NUSAP1: variants seen among roughly 807,000 people sequenced by gnomAD.
NUSAP1 encodes nucleolar and spindle associated protein 1, also known as nucleolar and spindle-associated protein 1.
NUSAP1 carries 32 observed loss-of-function variants against 52.8 expected under a neutral mutation model. That is an observed-to-expected ratio of 0.61 (90% CI 0.46 to 0.81). NUSAP1 has a LOEUF of 0.81. NUSAP1 is among the 40% of genes least tolerant of loss of function. The pLI is 0.00. For synonymous variants in NUSAP1, 195 were observed against 183.1 expected, an observed-to-expected ratio of 1.06 and a Z score of -0.52; for missense variants, 499 against 522.3, an observed-to-expected ratio of 0.96 and a Z score of 0.43.
At position 41,333,018 on chromosome 15, in the gene NUSAP1, G is replaced by C. The variant is rs1441877247; in HGVS notation, c.61G>C (p.Ala21Pro). Reference sequence around the variant, plus strand: ...CAAGTACAGTGACCTGCAGAACTTAGCCAAGAGTCTGGGTCTCCGGGCCAA... The same window carrying C: ...CAAGTACAGTGACCTGCAGAACTTACCCAAGAGTCTGGGTCTCCGGGCCAA... ...SLKYSDLQNL[A>P]KSLGLRANLR... is the part of the protein sequence containing the mutation. Residue 21 changes from alanine to proline, a missense_variant, in exon 1 of 11, where the codon GCC becomes CCC. Coordinates refer to ENST00000559596, the MANE Select transcript of NUSAP1 (RefSeq NM_016359.5). 8.1e-6 allele frequency: 13 copies of C among 1,611,732 alleles called. No individual in the cohort carries two copies. Among genetic ancestry groups the C allele is most frequent in the Non-Finnish European group, 1.0e-5 (12 of 1,179,020 alleles).
chr15:41,374,424 C>T (rs2049834399), intron 8 of NUSAP1, among the ~76,000 whole-genome samples: 1 of 152,212 alleles, frequency 6.6e-6, no homozygotes, highest in Non-Finnish European at 1.5e-5. Flanking sequence ...GAATCCCATT[C>T]ATGACCTATT....
chr15:41,342,395 T>C lies in NUSAP1; in HGVS notation c.103T>C (p.Leu35=), dbSNP rs753118869. 8.8e-6 allele frequency: 14 copies of C among 1,591,174 alleles called. No individual in the cohort carries two copies. Among genetic ancestry groups the C allele is most frequent in the Admixed American group, 5.3e-5 (3 of 56,558 alleles). The change falls in exon 2 of 11, where the codon TTG becomes CTG. Residue 35 remains leucine (L), a synonymous_variant. Coordinates refer to ENST00000559596, the MANE Select transcript of NUSAP1 (RefSeq NM_016359.5). ...AAGGTCTCTCTTGCAGGCAACCAAG[T>C]TGTTAAAAGCCTTGAAAGGCTACAT... ...GLRANLRATK[L]LKALKGYIKH...
chr15:41,343,370 T>C (rs2140552357), intron 2 of NUSAP1: 1 of 152,378 alleles, frequency 6.6e-6, no homozygotes, highest in Non-Finnish European at 1.5e-5. Flanking sequence ...GTTGTTGTAG[T>C]TGTTGAGACA....
At chr15:41,365,718 C>CT in intron 7 of NUSAP1, 129 bp downstream of exon 7, 1 of 584,600 alleles carries the variant, frequency 1.7e-6, no homozygotes. Flanking sequence ...CTTTTCTTTT[C>CT]TTTTTCTTTT....
intron 8 of NUSAP1, among the ~76,000 whole-genome samples, chr15:41,373,336 T>C (rs1287841258): frequency 6.6e-6 from 1 of 150,416 alleles, no homozygotes; most frequent in Non-Finnish European, 1.5e-5. Flanking sequence ...TGAGCTGAGA[T>C]CACATCACTG....
At chr15:41,374,826 CT>C (rs1377498799) in intron 8 of NUSAP1, among the ~76,000 whole-genome samples, 6 of 151,176 alleles carry the variant, frequency 4.0e-5, no homozygotes, top group African/African-American at 1.5e-4. Flanking sequence ...CACCCAGCTT[CT>C]TTTTTTTCTT....
intron 2 of NUSAP1, chr15:41,344,168 C>T (rs890587521): frequency 1.6e-5 from 2 of 128,930 alleles, no homozygotes; most frequent in Admixed American, 8.9e-5. Context: ...GAGCAGAGAT[C>T]AAACCATTGC....
intron 6 of NUSAP1, among the ~76,000 whole-genome samples, chr15:41,364,177 G>A (rs1352614484): frequency 1.3e-5 from 2 of 152,020 alleles, no homozygotes; most frequent in Non-Finnish European, 2.9e-5. Context: ...CAAAGCTTCC[G>A]TATTTCCAAA....
chr15:41,365,238 C>G (rs892916463), intron 6 of NUSAP1, among the ~76,000 whole-genome samples, 164 bp from the exon 7 acceptor site: 1 of 151,402 alleles, frequency 6.6e-6, no homozygotes, highest in Non-Finnish European at 1.5e-5. Flanking sequence ...CTCACTGCAA[C>G]CTCCGCCTCC....
At chr15:41,362,532 C>T (rs1217405856) in intron 6 of NUSAP1, among the ~76,000 whole-genome samples, 1 of 151,126 alleles carries the variant, frequency 6.6e-6, no homozygotes. Flanking sequence ...TCATGCCACT[C>T]TCCTGTCTCA....
At chr15:41,362,227 T>G (rs2049203199) in intron 6 of NUSAP1, among the ~76,000 whole-genome samples, 1 of 151,758 alleles carries the variant, frequency 6.6e-6, no homozygotes, top group African/African-American at 2.4e-5. Flanking sequence ...TAATTTATTT[T>G]AATTAATTTA....
intron 8 of NUSAP1, among the ~76,000 whole-genome samples, chr15:41,374,975 G>A (rs1463865796): frequency 4.6e-5 from 7 of 151,056 alleles, no homozygotes; most frequent in Non-Finnish European, 1.0e-4. Flanking sequence ...CCGAGTAGCT[G>A]GGATTACAGG....
intron 2 of NUSAP1, chr15:41,344,237 CA>C (rs1432760396): frequency 1.4e-5 from 2 of 142,852 alleles, no homozygotes; most frequent in Admixed American, 7.0e-5. Flanking sequence ...AAAAAAGAAA[CA>C]ACAACTAAAA....
At chr15:41,343,702 G>A (rs866937380) in intron 2 of NUSAP1, among the ~76,000 whole-genome samples, 7 of 151,354 alleles carry the variant, frequency 4.6e-5, no homozygotes, top group Admixed American at 6.6e-5. Context: ...TGTTGGCCAG[G>A]CTGGTCTCAA....
chr15:41,366,049 T>C (rs1207610822), intron 7 of NUSAP1, among the ~76,000 whole-genome samples: 4 of 152,000 alleles, frequency 2.6e-5, no homozygotes, highest in Non-Finnish European at 5.9e-5. Context: ...ATATATTGTA[T>C]TGTAGTCAGA....
intron 3 of NUSAP1, 141 bp from the exon 4 acceptor site, chr15:41,350,847 G>T (rs2048750836): frequency 8.8e-6 from 6 of 680,750 alleles, no homozygotes. Context: ...ATAAGGCAGA[G>T]AACCAAATCT....
At chr15:41,336,655 T>TGTTTTTTTTTTTTTTTTTG (rs748827154) in intron 1 of NUSAP1, among the ~76,000 whole-genome samples, 3 of 141,190 alleles carry the variant, frequency 2.1e-5, no homozygotes, top group African/African-American at 8.0e-5. Context: ...TTGGTTTTTT[T>TGTTTTTTTTTTTTTTTTTG]TTTTTTTTTT....
chr15:41,354,183 T>C (rs144821175), intron 4 of NUSAP1, among the ~76,000 whole-genome samples: 20 of 152,264 alleles, frequency 1.3e-4, no homozygotes, highest in Middle Eastern at 3.4e-3. Context: ...TGAGGCCAGC[T>C]GGGCAACGTA....
intron 8 of NUSAP1, among the ~76,000 whole-genome samples, chr15:41,372,739 C>G (rs1595600552): frequency 6.6e-6 from 1 of 152,022 alleles, no homozygotes; most frequent in Admixed American, 6.6e-5. Context: ...ATTGCTGTTT[C>G]ACAGATGTAG....
Sources: allele counts gnomAD v4.1 joint callset (sites outside exome capture counted in the v4.1 genomes callset), GRCh38; gene constraint gnomAD v4.1.1; transcripts MANE v1.5; gene names NCBI Gene and HGNC (gene_info 2026-07-23, HGNC 2026-07-21).